ADGB: variants seen among roughly 807,000 people sequenced by gnomAD.
ADGB encodes calpain-7-like protein.
In ADGB, 172 loss-of-function variants were observed where a neutral mutation model predicts 210.5. The observed-to-expected ratio is 0.82, with a 90% CI of 0.72 to 0.93. ADGB has a LOEUF of 0.93. Among genes scored for constraint, ADGB ranks in the 40% least tolerant of loss-of-function variants. ADGB has a pLI of 0.00. For synonymous variants in ADGB, 658 were observed against 662.7 expected (o/e 0.99, Z 0.11); for missense variants, 2,025 against 1,964.8 (o/e 1.03, Z -0.58).
chr6:146,663,571 T>C (rs1336934232), intron 5 of ADGB, among the ~76,000 whole-genome samples: 1 of 152,070 alleles, frequency 6.6e-6, no homozygotes, highest in Non-Finnish European at 1.5e-5. Flanking sequence ...GGGAGAAACA[T>C]TCTGTATGTA....
At chr6:146,753,616 A>T (rs1022893145) in intron 27 of ADGB, among the ~76,000 whole-genome samples, 1 of 151,914 alleles carries the variant, frequency 6.6e-6, no homozygotes, top group African/African-American at 2.4e-5. Context: ...ATAGCTGTGA[A>T]TTCTAATATT....
Position 146,793,885 on chromosome 6 carries a change from G to A in ADGB, c.4537+5275G>A, listed in dbSNP as rs139598531. On this transcript the variant is annotated intron_variant, in intron 33 of 35. Coordinates refer to ENST00000397944, the MANE Select transcript of ADGB (RefSeq NM_024694.4). ...CAGTGAGGAGGTCTAGGCCTCAGTG[G>A]TTTTGGAGAGTCACTGCTGCCAAAG... Among the ~76,000 whole-genome samples, 867 of 152,300 alleles carry A rather than the reference G, an allele frequency of 5.7e-3. 3 individuals are homozygous for A. Among genetic ancestry groups the A allele is most frequent in the African/African-American group, 0.02 (811 of 41,558 alleles).
intron 26 of ADGB, among the ~76,000 whole-genome samples, chr6:146,749,782 A>T (rs1305473279): frequency 1.3e-5 from 2 of 152,082 alleles, no homozygotes; most frequent in Non-Finnish European, 2.9e-5. Context: ...ATGGCAGAAG[A>T]CGAAAAGGAA....
At chr6:146,665,746 GT>G (rs1337479508) in intron 6 of ADGB, among the ~76,000 whole-genome samples, 1 of 151,990 alleles carries the variant, frequency 6.6e-6, no homozygotes, top group African/African-American at 2.4e-5. Context: ...CTGGTGGAAA[GT>G]TTCCCTACAT....
intron 5 of ADGB, among the ~76,000 whole-genome samples, chr6:146,659,490 C>T (rs367766227): frequency 9.2e-5 from 14 of 152,272 alleles, no homozygotes; most frequent in African/African-American, 3.4e-4. Flanking sequence ...CCCTCATTCA[C>T]TTTGTCCTGT....
intron 25 of ADGB, 128 bp from the exon 26 acceptor site, chr6:146,745,794 G>A (rs1172257266): frequency 3.1e-6 from 2 of 646,444 alleles, no homozygotes; most frequent in Non-Finnish European, 4.8e-6. Flanking sequence ...GTGATTCTAT[G>A]TTTATTAAGA....
chr6:146,606,183 A>AAGATGTTG (rs1562253198), intron 1 of ADGB, among the ~76,000 whole-genome samples: 6 of 151,850 alleles, frequency 4.0e-5, no homozygotes, highest in African/African-American at 1.5e-4. Context: ...TAGTGATGTT[A>AAGATGTTG]AATATTTTTT....
intron 20 of ADGB, among the ~76,000 whole-genome samples, chr6:146,730,109 C>G (rs909005748): frequency 6.6e-6 from 1 of 152,238 alleles, no homozygotes; most frequent in African/African-American, 2.4e-5. Flanking sequence ...AAGTATACTA[C>G]TGTCCTAGTA....
chr6:146,644,672 A>G lies in ADGB; in HGVS notation c.238-101A>G, dbSNP rs1405851557. ...AACACAAACTGCTTTGTAAAGGCTT[A>G]TTGATTGACCAAATCTATGCACTTA... On this transcript the variant is annotated intron_variant, in intron 2 of 35. Coordinates refer to ENST00000397944, the MANE Select transcript of ADGB (RefSeq NM_024694.4). 15 of 664,300 alleles carry G rather than the reference A, an allele frequency of 2.3e-5. No individual in the cohort carries two copies. The East Asian group carries it at 4.6e-4, about 20-fold the overall frequency. The allele number at this position is 664,300 out of a possible 1,614,324, so 41.2% of individuals were successfully genotyped here.
intron 11 of ADGB, among the ~76,000 whole-genome samples, 169 bp downstream of exon 11, chr6:146,691,459 AAAATATATAT>A (rs1776319547): frequency 2.2e-5 from 1 of 44,724 alleles, no homozygotes; most frequent in African/African-American, 2.4e-4. Flanking sequence ...TATATATATA[AAAATATATAT>A]ATATATAAAT....
intron 7 of ADGB, among the ~76,000 whole-genome samples, chr6:146,670,912 A>G (rs917925793): frequency 3.3e-5 from 5 of 152,230 alleles, no homozygotes; most frequent in Non-Finnish European, 7.3e-5. Flanking sequence ...TAATTCCTGC[A>G]GAGGATAATA....
intron 1 of ADGB, among the ~76,000 whole-genome samples, chr6:146,634,443 A>G (rs1775369390): frequency 6.6e-6 from 1 of 151,974 alleles, no homozygotes; most frequent in African/African-American, 2.4e-5. Context: ...GTTTTTTTTA[A>G]CTGCTTGTCC....
At position 146,745,979 on chromosome 6, in the gene ADGB, C is replaced by A; in HGVS notation, c.3235C>A (p.Arg1079=). The change falls in exon 26 of 36, where the codon CGA becomes AGA. Residue 1079 remains arginine (R), a synonymous_variant. Coordinates refer to ENST00000397944, the MANE Select transcript of ADGB (RefSeq NM_024694.4). The part of the protein sequence containing the change: ...FTGDTYVAAS[R]WKLRLIGSSA... ...AGGCGACACATATGTAGCAGCCTCA[C>A]GATGGAAACTGCGTCTCATCGGTTC... The A allele has an allele frequency of 6.4e-7, 1 of 1,551,206 alleles. No homozygotes were observed. The highest frequency in any genetic ancestry group is 8.7e-7 in the Non-Finnish European group (1 of 1,146,756).
intron 1 of ADGB, among the ~76,000 whole-genome samples, chr6:146,627,959 A>G (rs2114850735): frequency 6.6e-6 from 1 of 152,232 alleles, no homozygotes; most frequent in Admixed American, 6.5e-5. Context: ...TCATTTCATG[A>G]CCATGTCTTT....
In ADGB at chr6:146,672,258, A is replaced by T; in HGVS notation, c.878A>T (p.Glu293Val). 1 of 1,546,822 alleles carries T rather than the reference A, an allele frequency of 6.5e-7. No homozygotes were observed. Among genetic ancestry groups the T allele is most frequent in the Non-Finnish European group, 8.7e-7 (1 of 1,144,970 alleles). The change falls in exon 8 of 36, where the codon GAA becomes GTA. Residue 293 changes from glutamate to valine, a missense_variant. Transcript: ENST00000397944. ...GACAAAGTTTGGGAGCTCCTGAAAG[A>T]AATATTGCCTGAGTTTAAGCTGTCA... ...YMDKVWELLK[E>V]ILPEFKLSDE... is the part of the protein sequence containing the mutation.
At chr6:146,756,041 CCT>C (rs1777402435) in intron 27 of ADGB, among the ~76,000 whole-genome samples, 1 of 151,856 alleles carries the variant, frequency 6.6e-6, no homozygotes, top group South Asian at 2.1e-4. Flanking sequence ...ACTCCCTGTC[CCT>C]CTCTCTTTAA....
chr6:146,780,948 A>C (rs1777789766), intron 29 of ADGB, among the ~76,000 whole-genome samples: 1 of 152,144 alleles, frequency 6.6e-6, no homozygotes, highest in African/African-American at 2.4e-5. Context: ...ATAAATCAAC[A>C]AAACAAGTCT....
In ADGB at chr6:146,806,706, G is replaced by A. The variant is rs573631357; in HGVS notation, c.4818+4695G>A. On this transcript the variant is annotated intron_variant, in intron 35 of 35. Transcript: ENST00000397944. ...CTTATTCTTTGATTATATTACTTTT[G>A]AAACAGTAAGCAATTCATTTGGCCA... 1.1e-4 allele frequency among the ~76,000 whole-genome samples: 16 copies of A among 152,266 alleles called. No individual in the cohort carries two copies. The South Asian group carries it at 3.3e-3, about 31-fold the overall frequency.
rs775795883 is a variant in ADGB, at chr6:146,685,735, T to C, written c.1218T>C (p.Cys406=). 1.3e-6 allele frequency: 2 copies of C among 1,505,744 alleles called. No homozygotes were observed. Among genetic ancestry groups the C allele is most frequent in the Non-Finnish European group, 1.8e-6 (2 of 1,126,496 alleles). The allele number at this position is 1,505,744 out of a possible 1,614,324, so 93.3% of individuals were successfully genotyped here. The stretch of plus-strand genomic sequence containing the variant: ...ACATAATGTATGTTTGTTTTACAGG[T>C]TCTTCTGCAATACAGACCTCTCATA... ...VQYSVQSLSD[C]SSAIQTSHMV... Residue 406 remains cysteine (C), a splice_region_variant and synonymous_variant, in exon 10 of 36, where the codon TGT becomes TGC. Coordinates refer to ENST00000397944, the MANE Select transcript of ADGB (RefSeq NM_024694.4).
Sources: gnomAD v4.1 joint callset for allele counts (sites outside exome capture counted in the v4.1 genomes callset) on GRCh38, gnomAD v4.1.1 for gene constraint, MANE v1.5 for transcripts, NCBI Gene and HGNC (gene_info 2026-07-23, HGNC 2026-07-21) for gene names.